ARHGEF10: variants seen among roughly 807,000 people sequenced by gnomAD.
The protein encoded by ARHGEF10 is Rho guanine nucleotide exchange factor (GEF) 10.
ARHGEF10 carries 140 observed loss-of-function variants against 147.4 expected under a neutral mutation model. The ratio of observed to expected loss-of-function variants is 0.95; its 90% CI spans 0.83 to 1.09. ARHGEF10 has a LOEUF of 1.09. Ranked by LOEUF, ARHGEF10 falls within the 50% of genes least tolerant of loss-of-function variation. ARHGEF10 has a pLI of 0.00. For synonymous variants in ARHGEF10, 902 were observed against 695.8 expected (o/e 1.30, Z -4.67); for missense variants, 2,222 against 1,752.7 (o/e 1.27, Z -4.78).
At position 1,954,943 on chromosome 8, in the gene ARHGEF10, AT is replaced by A. The variant is rs200631061; in HGVS notation, c.3521-1805del. 1.9e-3 allele frequency among the ~76,000 whole-genome samples: 286 copies of A among 147,266 alleles called. 3 individuals are homozygous for A. Among genetic ancestry groups the A allele is most frequent in the African/African-American group, 6.7e-3 (262 of 38,952 alleles). On this transcript the variant is annotated intron_variant, in intron 28 of 28. Transcript: ENST00000349830. The stretch of plus-strand genomic sequence containing the variant: ...AAGGAGGTGCCCTCATTGCCTCTGG[AT>A]GGATAGCCAGGTGCTCCCTGAAAGG...
chr8:1,851,029 G>A (rs572464360), intron 2 of ARHGEF10, among the ~76,000 whole-genome samples: 12 of 151,302 alleles, frequency 7.9e-5, no homozygotes, highest in Non-Finnish European at 1.3e-4. Context: ...GTTGCTAGGG[G>A]TTTGCGGGGG....
At chr8:1,951,212 G>A (rs544996790) in intron 27 of ARHGEF10, among the ~76,000 whole-genome samples, 6 of 152,226 alleles carry the variant, frequency 3.9e-5, no homozygotes, top group Non-Finnish European at 5.9e-5. Flanking sequence ...TTGCGGCTGC[G>A]CCCCGGGCTG....
At chr8:1,834,950 C>G (rs1293948200) in intron 1 of ARHGEF10, among the ~76,000 whole-genome samples, 1 of 152,228 alleles carries the variant, frequency 6.6e-6, no homozygotes, top group African/African-American at 2.4e-5. Flanking sequence ...GTCCGCGGGG[C>G]CACTTCACCC....
Position 1,843,429 on chromosome 8 carries a change from T to G in ARHGEF10, c.30T>G (p.Ala10=), listed in dbSNP as rs1441097921. 1 of 1,612,826 alleles carries G rather than the reference T, an allele frequency of 6.2e-7. No homozygotes were observed. Among genetic ancestry groups the G allele is most frequent in the East Asian group, 2.2e-5 (1 of 44,868 alleles). ...ACCAGCGAGAGCCCCTGCCTCCCGC[T>G]CCTGCAGGTAACAGCACTCAGTAGG... is the stretch of plus-strand genomic sequence containing the variant. MDQREPLPP[A]PAENEMKYDT... is the part of the protein sequence containing the mutation. Residue 10 remains alanine (A), a synonymous_variant, in exon 2 of 29, where the codon GCT becomes GCG. Coordinates refer to ENST00000349830, the MANE Select transcript of ARHGEF10 (RefSeq NM_014629.4).
At chr8:1,826,044 C>T in intron 1 of ARHGEF10, 3 of 1,458,778 alleles carry the variant, frequency 2.1e-6, no homozygotes, top group South Asian at 1.2e-5. Context: ...CTGTCTCTCA[C>T]AGCATTTATT....
intron 18 of ARHGEF10, among the ~76,000 whole-genome samples, chr8:1,916,807 A>G (rs1004466008): frequency 2.0e-5 from 3 of 152,172 alleles, no homozygotes; most frequent in African/African-American, 7.2e-5. Context: ...TCTGTTGAAA[A>G]CACTAAAACG....
chr8:1,951,279 C>T (rs997467486), intron 27 of ARHGEF10, among the ~76,000 whole-genome samples: 3 of 152,220 alleles, frequency 2.0e-5, no homozygotes, highest in African/African-American at 7.2e-5. Flanking sequence ...GCGTACCCTG[C>T]GTATCAGCTT....
chr8:1,884,167 G>C (rs1808449574), intron 10 of ARHGEF10, among the ~76,000 whole-genome samples: 1 of 152,142 alleles, frequency 6.6e-6, no homozygotes, highest in Admixed American at 6.5e-5. Context: ...GCCGAGGCGG[G>C]CAGATCACGA....
At chr8:1,911,885 A>C (rs1443441625) in intron 18 of ARHGEF10, among the ~76,000 whole-genome samples, 1 of 152,184 alleles carries the variant, frequency 6.6e-6, no homozygotes, top group Non-Finnish European at 1.5e-5. Context: ...AATGGCTTCA[A>C]ATTCACTCTC....
chr8:1,925,232 G>C (rs1217157593), intron 21 of ARHGEF10, 51 bp from the exon 22 acceptor site: 3 of 1,613,068 alleles, frequency 1.9e-6, no homozygotes. Flanking sequence ...GCAGGTCTTT[G>C]CATGTGAGTT....
At position 1,926,429 on chromosome 8, in the gene ARHGEF10, C is replaced by G. The variant is rs939078968; in HGVS notation, c.2663C>G (p.Pro888Arg). The change falls in exon 23 of 29, where the codon CCA becomes CGA. Residue 888 changes from proline to arginine, a missense_variant. Physicochemically the swap from Pro to Arg is moderately radical, Grantham distance 103. Transcript: ENST00000349830. Reference protein sequence around the residue: ...PEPYLNNESQPDSFSTAHGFL... With the variant: ...PEPYLNNESQRDSFSTAHGFL... ...CCTTACCTAAATAATGAAAGCCAGCCAGATTCATTTTCCACGGCACATGGT... is the reference window on the plus strand; with the variant it reads ...CCTTACCTAAATAATGAAAGCCAGCGAGATTCATTTTCCACGGCACATGGT... 2.5e-6 allele frequency: 4 copies of G among 1,614,018 alleles called. No individual in the cohort carries two copies. The highest frequency in any genetic ancestry group is 3.4e-6 in the Non-Finnish European group (4 of 1,180,028).
chr8:1,839,781 G>A (rs1803855602), intron 1 of ARHGEF10, among the ~76,000 whole-genome samples: 1 of 147,252 alleles, frequency 6.8e-6, no homozygotes, highest in South Asian at 2.2e-4. Context: ...TGTCTGGTGT[G>A]GGTACTGTCT....
At chr8:1,837,768 C>G (rs558165478) in intron 1 of ARHGEF10, among the ~76,000 whole-genome samples, 2 of 152,214 alleles carry the variant, frequency 1.3e-5, no homozygotes, top group Non-Finnish European at 2.9e-5. Flanking sequence ...CTCTGAAGCC[C>G]GAGGCTGCCT....
Position 1,957,153 on chromosome 8 carries a change from GTC to G in ARHGEF10, c.3927_3928del (p.Cys1310TrpfsTer70). The part of the protein sequence containing the change: ...KKAKASSALV[V>X]CGGQGHRRVH... ...AGCCAAGGCCAGCTCGGCGCTGGTG[GTC>G]TGTGGAGGGCAGGGCCACCGCCGGG... On this transcript the variant is annotated frameshift_variant, in exon 29 of 29. Coordinates refer to ENST00000349830, the MANE Select transcript of ARHGEF10 (RefSeq NM_014629.4). LOFTEE classifies it high-confidence loss of function. The G allele has an allele frequency of 6.2e-7, 1 of 1,612,778 alleles. No individual in the cohort carries two copies. Among genetic ancestry groups the G allele is most frequent in the Non-Finnish European group, 8.5e-7 (1 of 1,180,036 alleles).
At chr8:1,942,235 C>T (rs1057422224) in intron 26 of ARHGEF10, among the ~76,000 whole-genome samples, 1 of 148,662 alleles carries the variant, frequency 6.7e-6, no homozygotes, top group African/African-American at 2.5e-5. Context: ...ATCTAGTATG[C>T]AGAGCATCTA....
intron 18 of ARHGEF10, among the ~76,000 whole-genome samples, chr8:1,915,091 C>T (rs981043209): frequency 2.0e-5 from 3 of 152,138 alleles, no homozygotes; most frequent in Non-Finnish European, 4.4e-5. Flanking sequence ...TGTGCTCATG[C>T]GGCGTGTTCA....
chr8:1,880,186 C>G (rs779538312), intron 9 of ARHGEF10, 22 bp downstream of exon 9: 1 of 1,552,746 alleles, frequency 6.4e-7, no homozygotes. Flanking sequence ...CCCCCGGCCG[C>G]TGCCCCCACT....
chr8:1,919,452 TG>T (rs1812040755), intron 18 of ARHGEF10, among the ~76,000 whole-genome samples: 1 of 149,200 alleles, frequency 6.7e-6, no homozygotes, highest in African/African-American at 2.5e-5. Flanking sequence ...GTGATGGAGC[TG>T]TTCCATGGGT....
chr8:1,861,392 T>C (rs1806118828), intron 4 of ARHGEF10, among the ~76,000 whole-genome samples: 1 of 152,118 alleles, frequency 6.6e-6, no homozygotes, highest in African/African-American at 2.4e-5. Flanking sequence ...AGGGTGAGGG[T>C]AAGCACATAC....
Sources: gnomAD v4.1 joint callset for allele counts (sites outside exome capture counted in the v4.1 genomes callset) on GRCh38, gnomAD v4.1.1 for gene constraint, MANE v1.5 for transcripts, NCBI Gene and HGNC (gene_info 2026-07-23, HGNC 2026-07-21) for gene names.